The following L3MBTL4 variants were observed in gnomAD, a reference collection of about 807,000 sequenced individuals.
The protein encoded by L3MBTL4 is lethal(3)malignant brain tumor-like protein 4.
L3MBTL4 carries 70 observed loss-of-function variants against 84.5 expected under a neutral mutation model. The ratio of observed to expected loss-of-function variants is 0.83; its 90% CI spans 0.68 to 1.01. The LOEUF (loss-of-function observed/expected upper bound fraction) is 1.01, where lower values mean the gene tolerates loss of function less well. L3MBTL4 is among the 50% of genes least tolerant of loss of function. The pLI, the probability that L3MBTL4 is intolerant of heterozygous loss-of-function variation, is 0.00. For missense variants in L3MBTL4, 715 were observed against 754.8 expected (o/e 0.95, Z 0.62); for synonymous variants, 274 against 259.8 (o/e 1.05, Z -0.52).
chr18:6,180,979 G>A (rs1018873367), intron 12 of L3MBTL4, among the ~76,000 whole-genome samples: 3 of 152,182 alleles, frequency 2.0e-5, no homozygotes. Context: ...CTACAACACA[G>A]ATGAACATCA....
chr18:6,402,383 T>A (rs900334202), intron 1 of L3MBTL4, among the ~76,000 whole-genome samples: 2 of 152,188 alleles, frequency 1.3e-5, no homozygotes, highest in African/African-American at 4.8e-5. Flanking sequence ...AGAAATAATA[T>A]AAGCATCTAT....
chr18:6,315,446 G>A (rs1218197740), intron 1 of L3MBTL4, among the ~76,000 whole-genome samples: 1 of 152,128 alleles, frequency 6.6e-6, no homozygotes, highest in Non-Finnish European at 1.5e-5. Flanking sequence ...ACCAGGCATA[G>A]CTATCAGTCC....
intron 5 of L3MBTL4, among the ~76,000 whole-genome samples, chr18:6,250,713 A>G (rs2146235695): frequency 6.6e-6 from 1 of 152,380 alleles, no homozygotes; most frequent in South Asian, 2.1e-4. Flanking sequence ...GAACTGGGCA[A>G]GGACCTCAGG....
chr18:6,366,011 A>G (rs371886526), intron 1 of L3MBTL4, among the ~76,000 whole-genome samples: 1 of 152,320 alleles, frequency 6.6e-6, no homozygotes, highest in South Asian at 2.1e-4. Flanking sequence ...TTAGGAGCAC[A>G]GATGGGAAGG....
At position 6,181,157 on chromosome 18, in the gene L3MBTL4, A is replaced by ATTT. The variant is rs111379337; in HGVS notation, c.982-9218_982-9216dup. 5.0e-3 allele frequency among the ~76,000 whole-genome samples: 714 copies of ATTT among 143,642 alleles called. 7 individuals carry two copies. The highest frequency in any genetic ancestry group is 0.017 in the African/African-American group (690 of 39,490). 94.2% of individuals were successfully genotyped at this position (143,642 alleles called of 152,430 possible). A position where few individuals can be genotyped will look rare whatever the true frequency, so the allele number is the denominator to read the frequency against. On this transcript the variant is annotated intron_variant, in intron 12 of 18. Coordinates refer to ENST00000317931, the MANE Select transcript of L3MBTL4 (RefSeq NM_001330559.2). ...GGACTTTCTGTTTGAGGTGAGGACAATTTTTTTTTTTTTGCATTTTACATT... is the reference window on the plus strand; with the variant it reads ...GGACTTTCTGTTTGAGGTGAGGACAATTTTTTTTTTTTTTTTGCATTTTACATT...
intron 1 of L3MBTL4, among the ~76,000 whole-genome samples, chr18:6,345,048 T>A (rs2052808105): frequency 6.6e-6 from 1 of 151,794 alleles, no homozygotes; most frequent in Non-Finnish European, 1.5e-5. Context: ...TAAAATTGTC[T>A]GTCTTTGCAA....
intron 16 of L3MBTL4, among the ~76,000 whole-genome samples, chr18:5,972,764 T>G (rs1183539465): frequency 6.6e-6 from 1 of 152,034 alleles, no homozygotes; most frequent in Non-Finnish European, 1.5e-5. Flanking sequence ...CCCTACATAA[T>G]AGCTGAGTGA....
At chr18:6,223,439 G>A (rs1251645649) in intron 10 of L3MBTL4, among the ~76,000 whole-genome samples, 1 of 152,134 alleles carries the variant, frequency 6.6e-6, no homozygotes, top group African/African-American at 2.4e-5. Flanking sequence ...GAGTTGGAAG[G>A]AATTTGCCAT....
chr18:6,239,613 C>T lies in L3MBTL4; in HGVS notation c.707+105G>A, dbSNP rs934167025. The T allele has an allele frequency of 2.7e-4, 292 of 1,089,430 alleles. 1 individual carries two copies. Among genetic ancestry groups the T allele is most frequent in the Non-Finnish European group, 3.3e-4 (246 of 739,478 alleles). The allele number at this position is 1,089,430 out of a possible 1,614,324, so 67.5% of individuals were successfully genotyped here. ...AGTCAACCACCAAATTCCTAATGCTCATCACTATTAGAAGAGCAAAAACAG... is the reference window on the plus strand; with the variant it reads ...AGTCAACCACCAAATTCCTAATGCTTATCACTATTAGAAGAGCAAAAACAG... On this transcript the variant is annotated intron_variant, in intron 9 of 18. Transcript: ENST00000317931.
intron 15 of L3MBTL4, among the ~76,000 whole-genome samples, chr18:6,089,883 T>C (rs2058384661): frequency 6.6e-6 from 1 of 152,180 alleles, no homozygotes; most frequent in South Asian, 2.1e-4. Flanking sequence ...TATGTTTCAG[T>C]CCCAGATAAG....
intron 13 of L3MBTL4, among the ~76,000 whole-genome samples, chr18:6,170,594 A>G (rs2043921152): frequency 6.6e-6 from 1 of 152,168 alleles, no homozygotes; most frequent in African/African-American, 2.4e-5. Flanking sequence ...CCAGGTGGGT[A>G]GAGTGACAAA....
At chr18:6,213,857 TTACAC>T (rs1342280464) in intron 11 of L3MBTL4, among the ~76,000 whole-genome samples, 1 of 152,242 alleles carries the variant, frequency 6.6e-6, no homozygotes, top group Non-Finnish European at 1.5e-5. Flanking sequence ...TTGTTAATGA[TTACAC>T]TAAAGTTCAA....
intron 16 of L3MBTL4, among the ~76,000 whole-genome samples, chr18:6,017,566 C>A (rs1161721138): frequency 1.3e-5 from 2 of 152,228 alleles, no homozygotes; most frequent in African/African-American, 4.8e-5. Context: ...GATAGCATGG[C>A]CCCTGCCCTT....
intron 16 of L3MBTL4, among the ~76,000 whole-genome samples, chr18:5,980,163 TG>T (rs2053143864): frequency 6.6e-6 from 1 of 152,210 alleles, no homozygotes; most frequent in African/African-American, 2.4e-5. Context: ...GTCTGCGTTG[TG>T]GGGTGCTCTC....
intron 4 of L3MBTL4, among the ~76,000 whole-genome samples, chr18:6,300,313 C>T (rs2050282342): frequency 6.6e-6 from 1 of 152,148 alleles, no homozygotes; most frequent in Non-Finnish European, 1.5e-5. Flanking sequence ...CAAATCTCAA[C>T]CTTTTCCTAA....
At chr18:5,969,886 C>T (rs1195987792) in intron 16 of L3MBTL4, among the ~76,000 whole-genome samples, 1 of 152,176 alleles carries the variant, frequency 6.6e-6, no homozygotes, top group Non-Finnish European at 1.5e-5. Context: ...CTCCTTAAAT[C>T]AGGAGTCAGA....
At chr18:6,327,077 T>C (rs1260688161) in intron 1 of L3MBTL4, among the ~76,000 whole-genome samples, 1 of 152,170 alleles carries the variant, frequency 6.6e-6, no homozygotes, top group African/African-American at 2.4e-5. Context: ...AATATAAGTA[T>C]CCTCTTCTAC....
rs2044357086 is a variant in L3MBTL4 at position 6,179,183 on chromosome 18, T to C, written c.982-7241A>G. On this transcript the variant is annotated intron_variant, in intron 12 of 18. Transcript: ENST00000317931. ...CTTTTTTAAATTTTTAATTTCCACTTTAATAGGCTTATTGGATACGTTTGT... is the reference window on the plus strand; with the variant it reads ...CTTTTTTAAATTTTTAATTTCCACTCTAATAGGCTTATTGGATACGTTTGT... Among the ~76,000 whole-genome samples, 3 of 152,338 alleles carry C rather than the reference T, an allele frequency of 2.0e-5. No individual in the cohort carries two copies. In the South Asian group the frequency reaches 6.2e-4, roughly 32 times the overall value.
At chr18:6,098,602 A>G (rs1181028406) in intron 14 of L3MBTL4, among the ~76,000 whole-genome samples, 2 of 152,164 alleles carry the variant, frequency 1.3e-5, no homozygotes, top group African/African-American at 4.8e-5. Context: ...GTCGCCCAAA[A>G]TAGGCAAGTA....
Sources: allele counts gnomAD v4.1 joint callset (sites outside exome capture counted in the v4.1 genomes callset), GRCh38; gene constraint gnomAD v4.1.1; transcripts MANE v1.5; gene names NCBI Gene and HGNC (gene_info 2026-07-23, HGNC 2026-07-21).